The following CADM2 variants were observed in gnomAD, a reference collection of about 807,000 sequenced individuals.
CADM2 encodes the protein cell adhesion molecule 2.
Under a neutral mutation model 49.8 loss-of-function variants are expected in CADM2, and 12 were observed. The ratio of observed to expected loss-of-function variants is 0.24; its 90% CI spans 0.15 to 0.39. CADM2 has a LOEUF of 0.39. Among genes scored for constraint, CADM2 ranks in the 10% least tolerant of loss-of-function variants. The pLI, the probability that CADM2 is intolerant of heterozygous loss-of-function variation, is 1.00. For synonymous variants in CADM2, 214 were observed against 175.4 expected, an observed-to-expected ratio of 1.22 and a Z score of -1.74; for missense variants, 378 against 492.3, an observed-to-expected ratio of 0.77 and a Z score of 2.20.
At chr3:85,936,053 G>A (rs1200480847) in intron 7 of CADM2, among the ~76,000 whole-genome samples, 196 bp downstream of exon 7, 1 of 151,522 alleles carries the variant, frequency 6.6e-6, no homozygotes, top group East Asian at 1.9e-4. Flanking sequence ...ATCTAGTGAA[G>A]TTTCTGGGAA....
At chr3:86,066,552 G>C (rs1739363847) in intron 9 of CADM2, 113 bp from the exon 10 acceptor site, 1 of 742,178 alleles carries the variant, frequency 1.3e-6, no homozygotes, top group East Asian at 2.5e-5. Flanking sequence ...CAATCGGGTA[G>C]CATATTAGGT....
chr3:85,740,813 C>A (rs2068348646), intron 2 of CADM2, among the ~76,000 whole-genome samples: 1 of 152,194 alleles, frequency 6.6e-6, no homozygotes, highest in African/African-American at 2.4e-5. Flanking sequence ...CTCACTGTAG[C>A]AGTTCTGTAG....
chr3:85,320,219 C>G (rs558942640), intron 1 of CADM2, among the ~76,000 whole-genome samples: 1 of 152,140 alleles, frequency 6.6e-6, no homozygotes, highest in African/African-American at 2.4e-5. Context: ...AAGGTTTTCC[C>G]ACAGCAAAGA....
chr3:85,294,275 C>G (rs2043890097), intron 1 of CADM2, among the ~76,000 whole-genome samples: 1 of 152,028 alleles, frequency 6.6e-6, no homozygotes, highest in African/African-American at 2.4e-5. Flanking sequence ...AAGCACTGCT[C>G]AAGGAAATAA....
intron 1 of CADM2, among the ~76,000 whole-genome samples, chr3:85,700,979 C>T (rs1042316053): frequency 2.0e-5 from 3 of 152,154 alleles, no homozygotes; most frequent in Non-Finnish European, 2.9e-5. Context: ...TCTACTCTCA[C>T]ATTGCAATAA....
chr3:85,856,323 A>G (rs1415045785), intron 3 of CADM2, among the ~76,000 whole-genome samples: 2 of 152,192 alleles, frequency 1.3e-5, no homozygotes, highest in Non-Finnish European at 2.9e-5. Context: ...CACACATTCA[A>G]TAATTGTTTT....
At chr3:85,677,493 A>G (rs892818705) in intron 1 of CADM2, among the ~76,000 whole-genome samples, 1 of 152,192 alleles carries the variant, frequency 6.6e-6, no homozygotes, top group African/African-American at 2.4e-5. Flanking sequence ...TTATTGTTGT[A>G]TACTATATGA....
At chr3:85,104,878 A>G (rs912560363) in intron 1 of CADM2, among the ~76,000 whole-genome samples, 3 of 151,994 alleles carry the variant, frequency 2.0e-5, no homozygotes, top group Non-Finnish European at 4.4e-5. Flanking sequence ...TTTGTCTGTT[A>G]TTGGTGTATA....
At chr3:85,414,514 C>CCT (rs893921231) in intron 1 of CADM2, among the ~76,000 whole-genome samples, 5 of 151,824 alleles carry the variant, frequency 3.3e-5, no homozygotes, top group African/African-American at 4.8e-5. Flanking sequence ...GGTTTCCTTT[C>CCT]CTCTCTCTCT....
chr3:85,855,440 T>A (rs1207143112), intron 3 of CADM2, among the ~76,000 whole-genome samples: 1 of 151,870 alleles, frequency 6.6e-6, no homozygotes, highest in African/African-American at 2.4e-5. Flanking sequence ...TCTAATCCAG[T>A]GATATGTCAT....
At chr3:85,965,928 C>T (rs998217603) in intron 8 of CADM2, among the ~76,000 whole-genome samples, 26 of 151,628 alleles carry the variant, frequency 1.7e-4, no homozygotes, top group Non-Finnish European at 5.9e-5. Context: ...CAGAAATGTA[C>T]AGGACCTGGA....
chr3:85,950,353 A>G (rs1056178998), intron 7 of CADM2, among the ~76,000 whole-genome samples: 3 of 151,200 alleles, frequency 2.0e-5, no homozygotes, highest in Non-Finnish European at 4.4e-5. Flanking sequence ...ACAATCTTCA[A>G]TATTTTTCTT....
intron 5 of CADM2, among the ~76,000 whole-genome samples, chr3:85,903,311 T>C (rs931649425): frequency 2.0e-5 from 3 of 152,126 alleles, no homozygotes; most frequent in African/African-American, 7.2e-5. Flanking sequence ...CTGGTGCTTT[T>C]TTTTTTCCTT....
chr3:85,091,331 T>C (rs532918489), intron 1 of CADM2, among the ~76,000 whole-genome samples: 63 of 152,290 alleles, frequency 4.1e-4, no homozygotes, highest in African/African-American at 1.4e-3. Context: ...AAAGAAACCC[T>C]ATAGCTTTAT....
intron 1 of CADM2, among the ~76,000 whole-genome samples, chr3:85,146,969 A>C (rs1013272965): frequency 6.6e-6 from 1 of 152,048 alleles, no homozygotes; most frequent in Non-Finnish European, 1.5e-5. Context: ...GGAAAGAACT[A>C]GATGAAATAC....
At chr3:85,120,523 T>C (rs537976668) in intron 1 of CADM2, among the ~76,000 whole-genome samples, 2 of 152,292 alleles carry the variant, frequency 1.3e-5, no homozygotes, top group South Asian at 4.1e-4. Flanking sequence ...TCATGTTTTT[T>C]GCAGGGACAT....
At chr3:85,063,018 GA>G (rs1240207489) in intron 1 of CADM2, among the ~76,000 whole-genome samples, 2 of 151,790 alleles carry the variant, frequency 1.3e-5, no homozygotes, top group African/African-American at 2.4e-5. Flanking sequence ...CAGTTTTCAG[GA>G]ATCTCTTGTT....
chr3:85,188,561 TATATAGA>T (rs1176978445), intron 1 of CADM2, among the ~76,000 whole-genome samples: 1 of 152,180 alleles, frequency 6.6e-6, no homozygotes, highest in Non-Finnish European at 1.5e-5. Flanking sequence ...TATTTCATAA[TATATAGA>T]ATTCAAGTTG....
At chr3:85,982,905 A>C (rs1467781703) in intron 8 of CADM2, among the ~76,000 whole-genome samples, 1 of 151,670 alleles carries the variant, frequency 6.6e-6, no homozygotes, top group Non-Finnish European at 1.5e-5. Flanking sequence ...TCATTCCTTT[A>C]TCTTATTCAA....
Sources: gnomAD v4.1 joint callset for allele counts (sites outside exome capture counted in the v4.1 genomes callset) on GRCh38, gnomAD v4.1.1 for gene constraint, MANE v1.5 for transcripts, NCBI Gene and HGNC (gene_info 2026-07-23, HGNC 2026-07-21) for gene names.